SMYD4: variants seen among roughly 807,000 people sequenced by gnomAD.
The protein encoded by SMYD4 is SET and MYND domain containing 4.
A neutral mutation model predicts 72.8 loss-of-function variants in SMYD4; 68 were observed. The observed-to-expected ratio is 0.93, with a 90% CI of 0.77 to 1.14. The LOEUF is 1.14. Among genes scored for constraint, SMYD4 ranks in the 50% most tolerant of loss-of-function variants. SMYD4 has a pLI of 0.00. For missense variants in SMYD4, 984 were observed against 1,003.7 expected (o/e 0.98, Z 0.27); for synonymous variants, 407 against 388.6 (o/e 1.05, Z -0.56).
chr17:1,800,090 T>C lies in SMYD4; in HGVS notation c.1304A>G (p.His435Arg), dbSNP rs763465761. ...ACAGAGGAATTTGTGCTCTGGGCTA[T>C]GGTTTTCAGTGTGGGGCAAAAGGTT... ...VFNLLPHTENHSPEHKFLCAL... is the reference protein window; with the variant it reads ...VFNLLPHTENRSPEHKFLCAL... The change falls in exon 5 of 11, where the codon CAT becomes CGT. Residue 435 changes from histidine (H) to arginine (R), a missense_variant. Coordinates refer to ENST00000305513, the MANE Select transcript of SMYD4 (RefSeq NM_052928.3). 25 of 1,611,720 alleles carry C rather than the reference T, an allele frequency of 1.6e-5. No homozygotes were observed. The highest frequency in any genetic ancestry group is 2.0e-5 in the Non-Finnish European group (23 of 1,178,408).
intron 3 of SMYD4, among the ~76,000 whole-genome samples, chr17:1,811,273 C>A (rs960892649): frequency 1.3e-5 from 2 of 152,192 alleles, no homozygotes; most frequent in African/African-American, 4.8e-5. Flanking sequence ...CCATCGCACG[C>A]CCTGCGAGGG....
chr17:1,808,272 A>C (rs1207642848), intron 3 of SMYD4, among the ~76,000 whole-genome samples: 1 of 152,224 alleles, frequency 6.6e-6, no homozygotes, highest in Non-Finnish European at 1.5e-5. Flanking sequence ...CTGTCATGGA[A>C]CACTAAGCCA....
rs780867376 is a variant in SMYD4 at position 1,829,841 on chromosome 17, G to A, written c.-128C>T. The A allele has an allele frequency of 3.0e-4, 91 of 299,484 alleles. No homozygotes were observed. Among genetic ancestry groups the A allele is most frequent in the Middle Eastern group, 9.3e-4 (1 of 1,072 alleles). 18.6% of individuals were successfully genotyped at this position (299,484 alleles called of 1,614,324 possible). ...CGCAGCTCCTGGCGCGCCCCTTGGC[G>A]CCCCGCTCCGCCCCGCACCGCGTCC... is the stretch of plus-strand genomic sequence containing the variant. On this transcript the variant is annotated 5_prime_UTR_variant, in exon 1 of 11. Coordinates refer to ENST00000305513, the MANE Select transcript of SMYD4 (RefSeq NM_052928.3).
chr17:1,812,518 C>T (rs950201911), intron 2 of SMYD4, among the ~76,000 whole-genome samples: 7 of 146,872 alleles, frequency 4.8e-5, no homozygotes, highest in Non-Finnish European at 1.0e-4. Context: ...GTCTTGAACT[C>T]CTGGGCTCAA....
At chr17:1,783,695 A>G in intron 8 of SMYD4, 2 of 680,832 alleles carry the variant, frequency 2.9e-6, no homozygotes, top group Non-Finnish European at 2.4e-6. Flanking sequence ...GCCTCCCCAC[A>G]TTTACACTGT....
Position 1,808,212 on chromosome 17 carries a change from C to T in SMYD4, c.280-3497G>A, listed in dbSNP as rs191927954. ...GATGCTCATTGCAGTATTATGATCC[C>T]GAACAATTTGCCAACATTAGGAGAT... On this transcript the variant is annotated intron_variant, in intron 3 of 10. Coordinates refer to ENST00000305513, the MANE Select transcript of SMYD4 (RefSeq NM_052928.3). Among the ~76,000 whole-genome samples the T allele has an allele frequency of 1.5e-3, 230 of 152,240 alleles. 1 individual carries two copies. Among genetic ancestry groups the T allele is most frequent in the African/African-American group, 5.2e-3 (218 of 41,530 alleles).
chr17:1,810,468 C>T (rs1376167590), intron 3 of SMYD4, among the ~76,000 whole-genome samples: 1 of 151,888 alleles, frequency 6.6e-6, no homozygotes, highest in Non-Finnish European at 1.5e-5. Flanking sequence ...ACCCGGGAGG[C>T]AAATGTTGCA....
intron 3 of SMYD4, among the ~76,000 whole-genome samples, chr17:1,809,243 T>C (rs1199386622): frequency 2.0e-5 from 3 of 152,262 alleles, no homozygotes; most frequent in South Asian, 2.1e-4. Context: ...GAGATTGTCA[T>C]ACTCCTGCTT....
chr17:1,781,529 G>A (rs1301236607), intron 10 of SMYD4, 90 bp from the exon 11 acceptor site: 2 of 1,418,004 alleles, frequency 1.4e-6, no homozygotes, highest in Non-Finnish European at 1.9e-6. Context: ...AAGAATGTAA[G>A]ATCATTTCTG....
chr17:1,813,371 G>A (rs1264759475), intron 2 of SMYD4, among the ~76,000 whole-genome samples: 2 of 152,260 alleles, frequency 1.3e-5, no homozygotes, highest in South Asian at 2.1e-4. Context: ...TAAAGTAAAT[G>A]TAGTAAAACG....
At position 1,788,798 on chromosome 17, in the gene SMYD4, C is replaced by T. The variant is rs183566558; in HGVS notation, c.1538-1194G>A. The stretch of plus-strand genomic sequence containing the variant: ...AAGAAAGCATGGTGGATAATTAGCA[C>T]TTTAAAAGTCCACCTGTAACACTTC... On this transcript the variant is annotated intron_variant, in intron 5 of 10. Transcript: ENST00000305513. 3.1e-3 allele frequency among the ~76,000 whole-genome samples: 471 copies of T among 152,194 alleles called. 4 individuals are homozygous for T. Among genetic ancestry groups the T allele is most frequent in the African/African-American group, 0.011 (452 of 41,532 alleles).
intron 2 of SMYD4, among the ~76,000 whole-genome samples, chr17:1,827,150 G>A (rs1174807056): frequency 6.6e-6 from 1 of 150,962 alleles, no homozygotes; most frequent in African/African-American, 2.4e-5. Context: ...GAGACCCTGT[G>A]TCAAAAAAAA....
chr17:1,801,398 C>A (rs1909744598), intron 4 of SMYD4, among the ~76,000 whole-genome samples: 1 of 151,824 alleles, frequency 6.6e-6, no homozygotes, highest in Middle Eastern at 3.4e-3. Flanking sequence ...GCCACCACAC[C>A]CAGCTATTTT....
rs542277498 is a variant in SMYD4, at chr17:1,823,453, G to A, written c.134+4408C>T. Among the ~76,000 whole-genome samples the A allele has an allele frequency of 8.2e-4, 124 of 151,048 alleles. 1 individual carries two copies. The highest frequency in any genetic ancestry group is 2.8e-3 in the African/African-American group (116 of 41,132). On this transcript the variant is annotated intron_variant, in intron 2 of 10. Coordinates refer to ENST00000305513, the MANE Select transcript of SMYD4 (RefSeq NM_052928.3). ...AAGCCAATTCTAAAGTTCACATGGG[G>A]GAAATGCACACAAAATACCCAAGAT...
intron 7 of SMYD4, among the ~76,000 whole-genome samples, chr17:1,785,865 C>T (rs1049303895): frequency 2.0e-5 from 3 of 152,256 alleles, no homozygotes; most frequent in East Asian, 3.9e-4. Context: ...CTAACACAAC[C>T]GGCTCTGCCT....
intron 3 of SMYD4, among the ~76,000 whole-genome samples, chr17:1,809,351 T>G (rs1810750134): frequency 6.7e-6 from 1 of 149,546 alleles, no homozygotes. Flanking sequence ...GAGTCATTTA[T>G]ACATTATTAT....
chr17:1,815,014 A>G (rs1910515848), intron 2 of SMYD4, among the ~76,000 whole-genome samples: 1 of 152,086 alleles, frequency 6.6e-6, no homozygotes, highest in South Asian at 2.1e-4. Context: ...GTAAACAGTA[A>G]TAATAGCAAA....
intron 5 of SMYD4, among the ~76,000 whole-genome samples, chr17:1,798,640 G>C (rs1395872888): frequency 1.3e-5 from 2 of 151,908 alleles, no homozygotes; most frequent in Non-Finnish European, 2.9e-5. Flanking sequence ...GCTCATGCCT[G>C]TAATCTCAGC....
chr17:1,804,587 C>A, intron 4 of SMYD4, 39 bp downstream of exon 4: 1 of 1,581,958 alleles, frequency 6.3e-7, no homozygotes, highest in African/African-American at 1.3e-5. Flanking sequence ...AGAAGCCCTC[C>A]GGATCCTGTC....
Sources: allele counts gnomAD v4.1 joint callset (sites outside exome capture counted in the v4.1 genomes callset), GRCh38; gene constraint gnomAD v4.1.1; transcripts MANE v1.5; gene names NCBI Gene and HGNC (gene_info 2026-07-23, HGNC 2026-07-21).